VEZF1: variants seen among roughly 807,000 people sequenced by gnomAD.
VEZF1 encodes the protein putative transcription factor DB1.
A neutral mutation model predicts 44.1 loss-of-function variants in VEZF1; 5 were observed. That is an observed-to-expected ratio of 0.11 (90% confidence interval 0.06 to 0.24). The LOEUF is 0.24. Ranked by LOEUF, VEZF1 falls within the 10% of genes least tolerant of loss-of-function variation. The pLI, the probability that VEZF1 is intolerant of heterozygous loss-of-function variation, is 1.00. For synonymous variants in VEZF1, 236 were observed against 233.1 expected (o/e 1.01, Z -0.11); for missense variants, 358 against 641.8 (o/e 0.56, Z 4.78).
intron 1 of VEZF1, chr17:57,986,144 G>A (rs1018783680): frequency 6.6e-6 from 1 of 152,044 alleles, no homozygotes; most frequent in Non-Finnish European, 1.5e-5. Flanking sequence ...GATTTTAATA[G>A]CTGAAAAAAA....
intron 5 of VEZF1, 81 bp from the exon 6 acceptor site, chr17:57,974,981 A>G (rs1338979353): frequency 2.8e-6 from 4 of 1,430,528 alleles, no homozygotes; most frequent in African/African-American, 2.9e-5. Flanking sequence ...ATTTCTTTTC[A>G]TTAAAAATGT....
At chr17:57,985,903 T>TCC (rs1027500118) in intron 1 of VEZF1, 3 of 152,232 alleles carry the variant, frequency 2.0e-5, no homozygotes, top group Non-Finnish European at 4.4e-5. Flanking sequence ...AACAGGATGC[T>TCC]CCAGGAAACA....
intron 3 of VEZF1, 22 bp from the exon 4 acceptor site, chr17:57,980,808 T>C: frequency 6.2e-7 from 1 of 1,612,776 alleles, no homozygotes; most frequent in Non-Finnish European, 8.5e-7. Flanking sequence ...AGGAAAACTT[T>C]TTTTAAATAT....
rs1272536457 is a variant in VEZF1, at chr17:57,982,722, A to G, written c.705T>C (p.Ser235=). Residue 235 remains serine, a synonymous_variant, in exon 2 of 6, where the codon AGT becomes AGC. Coordinates refer to ENST00000581208, the MANE Select transcript of VEZF1 (RefSeq NM_007146.3). ...ACCTTGAGAAGCCTTTCCCACAAAC[A>G]CTGCAAGTATAGGGTTTGGTGATGC... ...EGGITKPYTC[S]VCGKGFSRPD... is the part of the protein sequence containing the mutation. 1 of 1,612,380 alleles carries G rather than the reference A, an allele frequency of 6.2e-7. No homozygotes were observed. Among genetic ancestry groups the G allele is most frequent in the African/African-American group, 1.3e-5 (1 of 74,802 alleles).
At position 57,974,636 on chromosome 17, in the gene VEZF1, G is replaced by C. The variant is rs750631548; in HGVS notation, c.1403C>G (p.Thr468Ser). 2.0e-5 allele frequency: 33 copies of C among 1,614,002 alleles called. No homozygotes were observed. The highest frequency in any genetic ancestry group is 2.6e-5 in the Non-Finnish European group (31 of 1,180,018). ...LTLTTPVNLP[T>S]PVTAPVNIAH... ...TATATTCACTGGGGCAGTGACGGGG[G>C]TGGGGAGGTTGACTGGGGTAGTGAG... The change falls in exon 6 of 6, where the codon ACC (threonine) becomes AGC (serine). Residue 468 changes from threonine to serine, a missense_variant. Coordinates refer to ENST00000581208, the MANE Select transcript of VEZF1 (RefSeq NM_007146.3).
intron 1 of VEZF1, among the ~76,000 whole-genome samples, chr17:57,987,478 G>A (rs1306277187): frequency 6.6e-6 from 1 of 152,230 alleles, no homozygotes; most frequent in Non-Finnish European, 1.5e-5. Context: ...CACGAGAGGG[G>A]TGGTGGCGGT....
chr17:57,981,345 T>C (rs533054648), intron 3 of VEZF1, among the ~76,000 whole-genome samples: 3 of 152,348 alleles, frequency 2.0e-5, no homozygotes, highest in Non-Finnish European at 4.4e-5. Flanking sequence ...AAAACAGTCA[T>C]TTGATTTAGC....
At chr17:57,978,018 C>T (rs1341906512) in intron 5 of VEZF1, among the ~76,000 whole-genome samples, 2 of 151,864 alleles carry the variant, frequency 1.3e-5, no homozygotes, top group African/African-American at 4.8e-5. Flanking sequence ...GCCTGGCCAA[C>T]ATGGCAAAAC....
Position 57,982,760 on chromosome 17 carries a change from A to C in VEZF1, c.667T>G (p.Ser223Ala), listed in dbSNP as rs1433950257. The C allele has an allele frequency of 6.2e-7, 1 of 1,614,050 alleles. No homozygotes were observed. The highest frequency in any genetic ancestry group is 8.5e-7 in the Non-Finnish European group (1 of 1,180,028). Residue 223 changes from serine (S) to alanine (A), a missense_variant, in exon 2 of 6, where the codon TCT becomes GCT. By Grantham distance (99) the Ser-to-Ala change is moderately conservative. Transcript: ENST00000581208. ...GGTTTGGTGATGCCTCCTTCATGAG[A>C]CCTCACATGGTAAGTCATCCGGTCC... ...RKDRMTYHVRSHEGGITKPYT... is the reference protein window; with the variant it reads ...RKDRMTYHVRAHEGGITKPYT...
rs775144618 is a variant in VEZF1 at position 57,974,851 on chromosome 17, A to G, written c.1188T>C (p.Thr396=). The G allele has an allele frequency of 6.2e-7, 1 of 1,614,194 alleles. No individual in the cohort carries two copies. Among genetic ancestry groups the G allele is most frequent in the East Asian group, 2.2e-5 (1 of 44,888 alleles). ...QTSTAATTPV[T]LTTPFSITSS... is the part of the protein sequence containing the mutation. ...ATGTTATACTGAATGGAGTAGTGAGAGTCACAGGTGTCGTAGCAGCCGTGG... is the reference window on the plus strand; with the variant it reads ...ATGTTATACTGAATGGAGTAGTGAGGGTCACAGGTGTCGTAGCAGCCGTGG... Residue 396 remains threonine, a synonymous_variant, in exon 6 of 6, where the codon ACT becomes ACC. Coordinates refer to ENST00000581208, the MANE Select transcript of VEZF1 (RefSeq NM_007146.3).
chr17:57,972,614 G>A lies in VEZF1; in HGVS notation c.*1859C>T, dbSNP rs2075148102. 1.3e-5 allele frequency: 2 copies of A among 152,480 alleles called. No homozygotes were observed. The highest frequency in any genetic ancestry group is 4.1e-4 in the South Asian group (2 of 4,830). The allele number at this position is 152,480 out of a possible 1,614,324, so 9.4% of individuals were successfully genotyped here. A position where few individuals can be genotyped will look rare whatever the true frequency, so the allele number is the denominator to read the frequency against. On this transcript the variant is annotated 3_prime_UTR_variant, in exon 6 of 6. Transcript: ENST00000581208. The stretch of plus-strand genomic sequence containing the variant: ...TTTATTGAGACAAACTAATTAAAAG[G>A]CACAAACATAGGGCATGTTTACATG...
At chr17:57,977,616 G>A (rs1413323415) in intron 5 of VEZF1, among the ~76,000 whole-genome samples, 2 of 152,050 alleles carry the variant, frequency 1.3e-5, no homozygotes, top group African/African-American at 4.8e-5. Context: ...AGGGTGAGGC[G>A]GGCAGATCAC....
intron 5 of VEZF1, among the ~76,000 whole-genome samples, chr17:57,977,038 C>T (rs1315510113): frequency 1.3e-5 from 2 of 152,114 alleles, no homozygotes; most frequent in Non-Finnish European, 2.9e-5. Context: ...TACTTTCAAC[C>T]CACTATACAA....
intron 4 of VEZF1, among the ~76,000 whole-genome samples, chr17:57,979,569 CAAGTGTCTTTAAAAATGG>C (rs2075227188): frequency 7.0e-6 from 1 of 143,282 alleles, no homozygotes; most frequent in Non-Finnish European, 1.5e-5. Context: ...AAAAAAAAAG[CAAGTGTCTTTAAAAATGG>C]AAGTTTGATA....
At chr17:57,983,748 C>T (rs2075271965) in intron 1 of VEZF1, among the ~76,000 whole-genome samples, 1 of 152,198 alleles carries the variant, frequency 6.6e-6, no homozygotes, top group Admixed American at 6.5e-5. Context: ...AAAAAAACCA[C>T]TCCAGATTTA....
At chr17:57,976,583 A>C (rs113298421) in intron 5 of VEZF1, among the ~76,000 whole-genome samples, 2,016 of 152,300 alleles carry the variant, frequency 0.013, 41 homozygotes, top group African/African-American at 0.045. Flanking sequence ...TATTTAAAGG[A>C]CGTTATAGAT....
At chr17:57,987,855 G>C (rs1390879980) in intron 1 of VEZF1, among the ~76,000 whole-genome samples, 2 of 151,668 alleles carry the variant, frequency 1.3e-5, no homozygotes, top group Non-Finnish European at 2.9e-5. Context: ...GGGCCCCCGG[G>C]TTCACCCCGC....
intron 1 of VEZF1, chr17:57,985,410 CCCA>C (rs1237750795): frequency 6.5e-6 from 8 of 1,225,656 alleles, no homozygotes; most frequent in Middle Eastern, 3.1e-4. Flanking sequence ...TCCTAGGATC[CCCA>C]CACTTCTACA....
chr17:57,976,632 T>A (rs557646382), intron 5 of VEZF1, among the ~76,000 whole-genome samples: 8 of 152,328 alleles, frequency 5.3e-5, no homozygotes, highest in African/African-American at 1.9e-4. Flanking sequence ...TCCTCTCCTC[T>A]AAAATGTGAC....
Sources: gnomAD v4.1 joint callset for allele counts (sites outside exome capture counted in the v4.1 genomes callset) on GRCh38, gnomAD v4.1.1 for gene constraint, MANE v1.5 for transcripts, NCBI Gene and HGNC (gene_info 2026-07-23, HGNC 2026-07-21) for gene names.